The following ENOX1 variants were observed in gnomAD, a reference collection of about 807,000 sequenced individuals.
ENOX1 encodes the protein ecto-NOX disulfide-thiol exchanger 1.
Under a neutral mutation model 82.5 loss-of-function variants are expected in ENOX1, and 42 were observed. The observed-to-expected ratio is 0.51, with a 90% CI of 0.40 to 0.66. The LOEUF (loss-of-function observed/expected upper bound fraction) is 0.66, where lower values mean the gene tolerates loss of function less well. ENOX1 is among the 30% of genes least tolerant of loss of function. The pLI is 0.00. For synonymous variants in ENOX1, 271 were observed against 282.2 expected (o/e 0.96, Z 0.40); for missense variants, 608 against 811.6 (o/e 0.75, Z 3.05).
chr13:43,472,757 C>G (rs1487989214), intron 3 of ENOX1, among the ~76,000 whole-genome samples: 2 of 152,084 alleles, frequency 1.3e-5, no homozygotes, highest in African/African-American at 4.8e-5. Flanking sequence ...CTAATATGAG[C>G]CAAGTTCTAT....
At chr13:43,683,949 G>A (rs9533590) in intron 1 of ENOX1, among the ~76,000 whole-genome samples, 11,979 of 152,064 alleles carry the variant, frequency 0.079, 713 homozygotes, top group African/African-American at 0.16. Flanking sequence ...CTAAGCTAAT[G>A]AAGATGTACA....
intron 1 of ENOX1, among the ~76,000 whole-genome samples, chr13:43,672,052 C>T (rs1195110701): frequency 2.6e-5 from 4 of 152,116 alleles, no homozygotes; most frequent in African/African-American, 9.7e-5. Context: ...GGACTGAGAT[C>T]ATCACCCCTT....
In ENOX1 at chr13:43,218,169, T is replaced by C. The variant is rs60542115; in HGVS notation, c.1801-4048A>G. 9.2e-3 allele frequency among the ~76,000 whole-genome samples: 1,407 copies of C among 152,324 alleles called. 25 individuals are homozygous for C. The highest frequency in any genetic ancestry group is 0.032 in the African/African-American group (1,329 of 41,562). On this transcript the variant is annotated intron_variant, in intron 16 of 16. Transcript: ENST00000690772. ...TTCAGATTTTGAGAAAGCCAGAAAT[T>C]AGTGTAATGGGAATTAATCTCAAAT...
intron 3 of ENOX1, among the ~76,000 whole-genome samples, chr13:43,429,995 T>C (rs972464130): frequency 2.6e-5 from 4 of 152,266 alleles, no homozygotes; most frequent in Non-Finnish European, 4.4e-5. Flanking sequence ...TGCTTTCCAC[T>C]AGTTTTCTTG....
At chr13:43,304,314 A>G (rs2046745661) in intron 11 of ENOX1, among the ~76,000 whole-genome samples, 2 of 152,354 alleles carry the variant, frequency 1.3e-5, no homozygotes, top group Middle Eastern at 3.4e-3. Context: ...AAAACATGAT[A>G]CAGTCAATAT....
chr13:43,221,860 A>G (rs1448380067), intron 16 of ENOX1, among the ~76,000 whole-genome samples: 1 of 152,152 alleles, frequency 6.6e-6, no homozygotes, highest in Admixed American at 6.5e-5. Context: ...TGTTCTCATC[A>G]GTACAGGGTG....
chr13:43,322,043 T>A (rs1024862228), intron 11 of ENOX1, among the ~76,000 whole-genome samples: 6 of 152,248 alleles, frequency 3.9e-5, no homozygotes, highest in African/African-American at 1.2e-4. Flanking sequence ...ACAATTCCCA[T>A]GTAAGAAGTA....
chr13:43,760,482 C>T (rs1950903035), intron 1 of ENOX1, among the ~76,000 whole-genome samples: 1 of 152,112 alleles, frequency 6.6e-6, no homozygotes, highest in Non-Finnish European at 1.5e-5. Flanking sequence ...ATGCCCTCCC[C>T]CGAATGCCTG....
At chr13:43,782,644 A>C (rs534359216) in intron 1 of ENOX1, among the ~76,000 whole-genome samples, 7 of 152,364 alleles carry the variant, frequency 4.6e-5, no homozygotes, top group Non-Finnish European at 8.8e-5. Context: ...TTTCTACTTA[A>C]GGAGTTATAT....
intron 1 of ENOX1, among the ~76,000 whole-genome samples, chr13:43,701,131 C>T (rs1008714938): frequency 3.9e-5 from 6 of 152,088 alleles, no homozygotes; most frequent in East Asian, 1.9e-4. Context: ...AGAGACTCCA[C>T]GAAAGTGCAT....
chr13:43,494,845 T>A (rs74715721), intron 2 of ENOX1, among the ~76,000 whole-genome samples: 3,050 of 152,142 alleles, frequency 0.02, 113 homozygotes, highest in African/African-American at 0.067. Flanking sequence ...AGTGGAAATA[T>A]AAAAGTAGGG....
At chr13:43,653,115 C>T (rs943807874) in intron 2 of ENOX1, among the ~76,000 whole-genome samples, 3 of 152,192 alleles carry the variant, frequency 2.0e-5, no homozygotes, top group Non-Finnish European at 2.9e-5. Context: ...GGTCTTCTTC[C>T]ACCTGGAAGT....
chr13:43,761,080 G>C (rs1493522), intron 1 of ENOX1, among the ~76,000 whole-genome samples: 13,285 of 151,888 alleles, frequency 0.087, 913 homozygotes, highest in African/African-American at 0.19. Flanking sequence ...AAGATTCTAA[G>C]TGAGCTGCCC....
At chr13:43,724,490 C>A (rs1457066808) in intron 1 of ENOX1, among the ~76,000 whole-genome samples, 1 of 152,234 alleles carries the variant, frequency 6.6e-6, no homozygotes, top group Non-Finnish European at 1.5e-5. Flanking sequence ...GCAACACTAT[C>A]TTACCACATT....
At chr13:43,426,289 G>A (rs1013758730) in intron 3 of ENOX1, among the ~76,000 whole-genome samples, 8 of 152,130 alleles carry the variant, frequency 5.3e-5, no homozygotes, top group African/African-American at 1.2e-4. Context: ...TCATGGTACC[G>A]AATGCAATTT....
chr13:43,509,405 T>C (rs1330395438), intron 2 of ENOX1, among the ~76,000 whole-genome samples: 3 of 152,004 alleles, frequency 2.0e-5, no homozygotes, highest in Non-Finnish European at 4.4e-5. Flanking sequence ...AGATTACAAA[T>C]TGCCCACTAG....
chr13:43,335,556 T>C (rs2048651926), intron 9 of ENOX1, among the ~76,000 whole-genome samples: 1 of 152,126 alleles, frequency 6.6e-6, no homozygotes, highest in Non-Finnish European at 1.5e-5. Flanking sequence ...TGGGCTCATA[T>C]CAAAGTGACA....
chr13:43,544,349 G>C (rs539174231), intron 2 of ENOX1: 1 of 152,274 alleles, frequency 6.6e-6, no homozygotes, highest in South Asian at 2.1e-4. Context: ...GATGATTCAT[G>C]TTAAGTGCCT....
At chr13:43,545,589 CCT>C (rs2078941355) in intron 2 of ENOX1, 1 of 152,250 alleles carries the variant, frequency 6.6e-6, no homozygotes, top group Non-Finnish European at 1.5e-5. Context: ...CAGGATCCTG[CCT>C]CTCTCCCTGT....
Sources: allele counts gnomAD v4.1 joint callset (sites outside exome capture counted in the v4.1 genomes callset), GRCh38; gene constraint gnomAD v4.1.1; transcripts MANE v1.5; gene names NCBI Gene and HGNC (gene_info 2026-07-23, HGNC 2026-07-21).